PAXIP1: variants seen among roughly 807,000 people sequenced by gnomAD.
The protein encoded by PAXIP1 is PAX interacting protein 1.
Under a neutral mutation model 140.6 loss-of-function variants are expected in PAXIP1, and 19 were observed. The observed-to-expected ratio is 0.14, with a 90% confidence interval of 0.09 to 0.20. The LOEUF is 0.20. Ranked by LOEUF, PAXIP1 falls within the 10% of genes least tolerant of loss-of-function variation. The pLI, the probability that PAXIP1 is intolerant of heterozygous loss-of-function variation, is 1.00. For missense variants in PAXIP1, 920 were observed against 1,208.6 expected, an observed-to-expected ratio of 0.76 and a Z score of 3.54; for synonymous variants, 442 against 444.6, an observed-to-expected ratio of 0.99 and a Z score of 0.07.
intron 9 of PAXIP1, among the ~76,000 whole-genome samples, chr7:154,962,934 C>G (rs1364943540): frequency 2.6e-5 from 4 of 152,076 alleles, no homozygotes; most frequent in Admixed American, 1.3e-4. Flanking sequence ...AGTCATTTGT[C>G]ACATATATAT....
In PAXIP1 at chr7:154,961,543, C is replaced by T. The variant is rs749765172; in HGVS notation, c.2233G>A (p.Val745Ile). The T allele has an allele frequency of 2.5e-6, 4 of 1,606,062 alleles. No homozygotes were observed. Among genetic ancestry groups the T allele is most frequent in the Non-Finnish European group, 3.4e-6 (4 of 1,175,818 alleles). Reference protein sequence around the residue: ...YTGYLCRSNTVLICKEPTGLK... With the variant: ...YTGYLCRSNTILICKEPTGLK... Reference sequence around the variant, plus strand: ...TTTGCTTACTCTTTACAGATGAGGACTGTGTTGCTGCGGCATAGATAACCC... The same window carrying T: ...TTTGCTTACTCTTTACAGATGAGGATTGTGTTGCTGCGGCATAGATAACCC... Residue 745 changes from valine (V) to isoleucine (I), a missense_variant, in exon 11 of 21, where the codon GTC (valine) becomes ATC (isoleucine). By Grantham distance (29) the Val-to-Ile change is conservative. This residue lies in a region of PAXIP1 where 303 missense variants were observed against 517.9 expected (regional missense o/e 0.59). Transcript: ENST00000404141.
At chr7:154,988,158 A>G (rs370857001) in intron 4 of PAXIP1, among the ~76,000 whole-genome samples, 8 of 152,244 alleles carry the variant, frequency 5.3e-5, no homozygotes, top group Admixed American at 3.9e-4. Context: ...GCAAATGCAC[A>G]CCCTTGGTTG....
intron 2 of PAXIP1, among the ~76,000 whole-genome samples, chr7:154,995,650 G>C (rs954675835): frequency 6.6e-6 from 1 of 152,178 alleles, no homozygotes; most frequent in African/African-American, 2.4e-5. Flanking sequence ...ACAGGTTCGA[G>C]ACCAGCCTGG....
rs1208489897 is a variant in PAXIP1, at chr7:154,973,555, G to A, written c.1074+2141C>T. Among the ~76,000 whole-genome samples, 2 of 152,116 alleles carry A rather than the reference G, an allele frequency of 1.3e-5. No individual in the cohort carries two copies. The highest frequency in any genetic ancestry group is 1.3e-4 in the Admixed American group (2 of 15,274). ...TGTCTAACATCTAAAGGGCATGTTTGCCTCTATCTTACTCTGGATGCCAGC... is the reference window on the plus strand; with the variant it reads ...TGTCTAACATCTAAAGGGCATGTTTACCTCTATCTTACTCTGGATGCCAGC... On this transcript the variant is annotated intron_variant, in intron 6 of 20. Coordinates refer to ENST00000404141, the MANE Select transcript of PAXIP1 (RefSeq NM_007349.4). This position sits in a 1 kb window ranked among gnomAD's most constrained non-coding sequence, Gnocchi z 4.0.
intron 1 of PAXIP1, 69 bp downstream of exon 1, chr7:155,002,780 G>A (rs1157958245): frequency 2.3e-6 from 2 of 866,072 alleles, no homozygotes; most frequent in Non-Finnish European, 1.6e-6. Context: ...GAGCGGGGAC[G>A]GGGACGGGGA....
chr7:154,987,440 T>A (rs924702191), intron 4 of PAXIP1, among the ~76,000 whole-genome samples: 4 of 152,194 alleles, frequency 2.6e-5, no homozygotes, highest in African/African-American at 9.7e-5. Flanking sequence ...ATCATCTCTG[T>A]TTTCAAGCTC....
At position 155,002,487 on chromosome 7, in the gene PAXIP1, G is replaced by A. The variant is rs148348086; in HGVS notation, c.81+362C>T. 8.1e-3 allele frequency among the ~76,000 whole-genome samples: 1,238 copies of A among 152,126 alleles called. 17 individuals are homozygous for A. Among genetic ancestry groups the A allele is most frequent in the African/African-American group, 0.028 (1,158 of 41,548 alleles). On this transcript the variant is annotated intron_variant, in intron 1 of 20. Coordinates refer to ENST00000404141, the MANE Select transcript of PAXIP1 (RefSeq NM_007349.4). ...TGCTCTCCCGGGAGCCGAGACGCCC[G>A]GCGCGGGGAATGGGGAGACGCGACC...
chr7:154,976,585 A>T (rs1488268311), intron 5 of PAXIP1, among the ~76,000 whole-genome samples: 2 of 152,236 alleles, frequency 1.3e-5, no homozygotes, highest in African/African-American at 4.8e-5. Context: ...CTTGGCTGAA[A>T]ATTAACTTTT....
chr7:154,962,481 TTTG>T (rs755642657), intron 9 of PAXIP1, 23 bp from the exon 10 acceptor site: 4 of 1,594,980 alleles, frequency 2.5e-6, no homozygotes, highest in Non-Finnish European at 3.4e-6. Flanking sequence ...AAATTATAGG[TTTG>T]TTGTTTTTGT....
At chr7:154,962,484 G>C in intron 9 of PAXIP1, 26 bp from the exon 10 acceptor site, 1 of 1,593,678 alleles carries the variant, frequency 6.3e-7, no homozygotes, top group Non-Finnish European at 8.6e-7. Context: ...TTATAGGTTT[G>C]TTGTTTTTGT....
At chr7:154,988,136 T>C (rs1029722797) in intron 4 of PAXIP1, among the ~76,000 whole-genome samples, 7 of 152,256 alleles carry the variant, frequency 4.6e-5, no homozygotes, top group Non-Finnish European at 1.0e-4. Flanking sequence ...CTGACCATTT[T>C]TTCTTCTACG....
intron 3 of PAXIP1, among the ~76,000 whole-genome samples, chr7:154,992,816 A>G (rs1355906018): frequency 6.6e-6 from 1 of 152,142 alleles, no homozygotes; most frequent in Admixed American, 6.5e-5. Context: ...AAAGTTCTAC[A>G]CATCCTCCAA....
In PAXIP1 at chr7:154,954,739, T is replaced by G. The variant is rs1363470834; in HGVS notation, c.2653-316A>C. 1.3e-5 allele frequency among the ~76,000 whole-genome samples: 2 copies of G among 152,208 alleles called. No homozygotes were observed. Among genetic ancestry groups the G allele is most frequent in the Non-Finnish European group, 2.9e-5 (2 of 68,044 alleles). Reference sequence around the variant, plus strand: ...GAGAATGATGCAGCTCACTTCACAATGAAGAGTAAACAGCCAAGACTTCCT... The same window carrying G: ...GAGAATGATGCAGCTCACTTCACAAGGAAGAGTAAACAGCCAAGACTTCCT... On this transcript the variant is annotated intron_variant, in intron 15 of 20. Transcript: ENST00000404141. This position sits in a 1 kb window ranked among gnomAD's most constrained non-coding sequence, Gnocchi z 5.1.
intron 2 of PAXIP1, 87 bp from the exon 3 acceptor site, chr7:154,993,856 T>G: frequency 1.0e-6 from 1 of 957,696 alleles, no homozygotes; most frequent in Non-Finnish European, 1.6e-6. Context: ...AAATTAAAAG[T>G]CTCTGTTACA....
At chr7:154,958,735 A>G (rs777224252) in intron 13 of PAXIP1, among the ~76,000 whole-genome samples, 11 of 152,176 alleles carry the variant, frequency 7.2e-5, no homozygotes, top group Non-Finnish European at 1.6e-4. Flanking sequence ...TACTGATACA[A>G]AGCCACAAGA....
At position 154,954,449 on chromosome 7, in the gene PAXIP1, A is replaced by T; in HGVS notation, c.2653-26T>A. 1 of 1,457,772 alleles carries T rather than the reference A, an allele frequency of 6.9e-7. No individual in the cohort carries two copies. Among genetic ancestry groups the T allele is most frequent in the Non-Finnish European group, 9.2e-7 (1 of 1,086,660 alleles). The allele number at this position is 1,457,772 out of a possible 1,614,324, so 90.3% of individuals were successfully genotyped here. ...CTAAAGGTCACAAACACAGGTCGGA[A>T]ATGAAAAAGTTCAGCATCCACAGAG... On this transcript the variant is annotated intron_variant, in intron 15 of 20. Coordinates refer to ENST00000404141, the MANE Select transcript of PAXIP1 (RefSeq NM_007349.4). The surrounding 1 kb of genome is among the most constrained non-coding windows in gnomAD (Gnocchi z 5.1).
At chr7:154,961,973 T>G (rs1364911175) in intron 10 of PAXIP1, among the ~76,000 whole-genome samples, 1 of 152,220 alleles carries the variant, frequency 6.6e-6, no homozygotes, top group African/African-American at 2.4e-5. Context: ...TCCTCACTGA[T>G]CCCAACGCTG....
At position 154,946,629 on chromosome 7, in the gene PAXIP1, A is replaced by G. The variant is rs752541952; in HGVS notation, c.3058-42T>C. On this transcript the variant is annotated intron_variant, in intron 18 of 20. Transcript: ENST00000404141. This position sits in a 1 kb window ranked among gnomAD's most constrained non-coding sequence, Gnocchi z 4.9. ...GAGTTTCTCAGTGACCGAACGCTGA[A>G]TGTGATACAGGGCAATGACGGACTC... The G allele has an allele frequency of 6.2e-7, 1 of 1,613,604 alleles. No homozygotes were observed. Among genetic ancestry groups the G allele is most frequent in the Non-Finnish European group, 8.5e-7 (1 of 1,179,566 alleles).
Position 154,956,834 on chromosome 7 carries a change from T to TGCTCTCTCGGCAGCCTACAC in PAXIP1, c.2549+370_2549+389dup, listed in dbSNP as rs1808535281. On this transcript the variant is annotated intron_variant, in intron 14 of 20. Transcript: ENST00000404141. This position sits in a 1 kb window ranked among gnomAD's most constrained non-coding sequence, Gnocchi z 4.2. ...CTACATGCTCTCTCGGCAGCCTACA[T>TGCTCTCTCGGCAGCCTACAC]GCTCTCTCGGCAGCCTACACGCTCT... The TGCTCTCTCGGCAGCCTACAC allele has an allele frequency of 1.2e-5, 2 of 160,336 alleles. No individual in the cohort carries two copies. 9.9% of individuals were successfully genotyped at this position (160,336 alleles called of 1,614,324 possible). A position where few individuals can be genotyped will look rare whatever the true frequency, so the allele number is the denominator to read the frequency against.
Sources: allele counts gnomAD v4.1 joint callset (sites outside exome capture counted in the v4.1 genomes callset), GRCh38; gene constraint gnomAD v4.1.1; regional missense constraint gnomAD v4.1.1; non-coding constraint Gnocchi (gnomAD v3.1); transcripts MANE v1.5; gene names NCBI Gene and HGNC (gene_info 2026-07-23, HGNC 2026-07-21).